BTAF1: variants seen among roughly 807,000 people sequenced by gnomAD.
The protein encoded by BTAF1 is TATA-binding protein-associated factor 172.
BTAF1 carries 38 observed loss-of-function variants against 227.1 expected under a neutral mutation model. The observed-to-expected ratio is 0.17, with a 90% CI of 0.13 to 0.22. The LOEUF (loss-of-function observed/expected upper bound fraction) is 0.22, where lower values mean the gene tolerates loss of function less well. BTAF1 is among the 10% of genes least tolerant of loss of function. The pLI is 1.00. For synonymous variants in BTAF1, 742 were observed against 751.9 expected (o/e 0.99, Z 0.21); for missense variants, 1,598 against 2,204.0 (o/e 0.73, Z 5.51).
Position 91,924,028 on chromosome 10 carries a change from C to T in BTAF1, c.-49C>T. Reference sequence around the variant, plus strand: ...AGCTCTCTGGAAACTAGCGCCTCAGCTGCGCGGCGCGTAGGTCGCGGGGAG... The same window carrying T: ...AGCTCTCTGGAAACTAGCGCCTCAGTTGCGCGGCGCGTAGGTCGCGGGGAG... On this transcript the variant is annotated 5_prime_UTR_variant, in exon 1 of 38. Coordinates refer to ENST00000265990, the MANE Select transcript of BTAF1 (RefSeq NM_003972.3). The T allele has an allele frequency of 6.3e-7, 1 of 1,595,448 alleles. No individual in the cohort carries two copies. The highest frequency in any genetic ancestry group is 8.5e-7 in the Non-Finnish European group (1 of 1,173,462).
At chr10:91,983,166 T>C (rs1385491698) in intron 18 of BTAF1, among the ~76,000 whole-genome samples, 3 of 152,246 alleles carry the variant, frequency 2.0e-5, no homozygotes, top group African/African-American at 7.2e-5. Flanking sequence ...GTGTGGGTAG[T>C]AGCAAAGGCA....
chr10:91,968,710 G>A (rs928251435), intron 14 of BTAF1, among the ~76,000 whole-genome samples: 12 of 152,082 alleles, frequency 7.9e-5, no homozygotes, highest in African/African-American at 2.4e-4. Context: ...TTTTTTGTCA[G>A]TGTTTTGGGT....
At chr10:92,008,758 A>T in intron 26 of BTAF1, 71 bp from the exon 27 acceptor site, 1 of 1,390,982 alleles carries the variant, frequency 7.2e-7, no homozygotes, top group Non-Finnish European at 9.6e-7. Context: ...AACGTTGTTT[A>T]TAAGAAAATG....
At chr10:91,984,538 C>T in intron 19 of BTAF1, 134 bp downstream of exon 19, 1 of 727,884 alleles carries the variant, frequency 1.4e-6, no homozygotes, top group Non-Finnish European at 2.2e-6. Context: ...GTCATCTCTA[C>T]CCTTGAGAAA....
chr10:91,995,691 G>GA (rs964803845), intron 23 of BTAF1, among the ~76,000 whole-genome samples: 25 of 147,640 alleles, frequency 1.7e-4, no homozygotes, highest in African/African-American at 1.2e-4. Context: ...AAAAAAGAAG[G>GA]AAAAAAAAAA....
chr10:92,021,731 A>T (rs1589994073), intron 34 of BTAF1, among the ~76,000 whole-genome samples: 1 of 151,850 alleles, frequency 6.6e-6, no homozygotes, highest in East Asian at 1.9e-4. Flanking sequence ...TTTTTAGTAG[A>T]GACAGGGTTT....
At position 92,013,728 on chromosome 10, in the gene BTAF1, A is replaced by C. The variant is rs757538967; in HGVS notation, c.4373A>C (p.Glu1458Ala). 2.5e-6 allele frequency: 4 copies of C among 1,614,080 alleles called. No individual in the cohort carries two copies. The South Asian group carries it at 3.3e-5, about 13-fold the overall frequency. Residue 1458 changes from glutamate to alanine, a missense_variant, in exon 31 of 38, where the codon GAA becomes GCA. Glu to Ala is a moderately radical substitution (Grantham distance 107, BLOSUM62 -1). Coordinates refer to ENST00000265990, the MANE Select transcript of BTAF1 (RefSeq NM_003972.3). ...DFLMPGFLGT[E>A]RQFAARYGKP... is the part of the protein sequence containing the mutation. ...CTCATGCCAGGATTTTTGGGTACTG[A>C]ACGCCAGTTTGCTGCTCGATATGGT...
chr10:92,027,941 A>G (rs146171399), intron 37 of BTAF1, among the ~76,000 whole-genome samples: 1 of 152,316 alleles, frequency 6.6e-6, no homozygotes, highest in Non-Finnish European at 1.5e-5. Context: ...AGCTGTAATA[A>G]CAGAAGTGTA....
intron 20 of BTAF1, among the ~76,000 whole-genome samples, chr10:91,990,789 G>A (rs987063204): frequency 6.0e-5 from 9 of 150,544 alleles, no homozygotes; most frequent in Admixed American, 1.3e-4. Flanking sequence ...GTGAAACTCC[G>A]TCTCAAAAAA....
intron 1 of BTAF1, among the ~76,000 whole-genome samples, chr10:91,934,655 C>T (rs900221883): frequency 1.2e-4 from 18 of 152,136 alleles, no homozygotes; most frequent in Admixed American, 9.2e-4. Context: ...ATTAAAAGGT[C>T]TCCACGGTAG....
intron 30 of BTAF1, among the ~76,000 whole-genome samples, chr10:92,012,829 G>A (rs1850467104): frequency 6.6e-6 from 1 of 151,036 alleles, no homozygotes; most frequent in African/African-American, 2.4e-5. Context: ...AGCCTCTTTA[G>A]GCTGAATTAT....
chr10:91,999,984 G>C (rs1406638834), intron 25 of BTAF1, among the ~76,000 whole-genome samples: 1 of 152,120 alleles, frequency 6.6e-6, no homozygotes, highest in Non-Finnish European at 1.5e-5. Context: ...AGGAGCATAT[G>C]GGATCTTCTA....
chr10:91,941,790 T>C (rs935973485), intron 3 of BTAF1, among the ~76,000 whole-genome samples: 7 of 152,248 alleles, frequency 4.6e-5, no homozygotes, highest in African/African-American at 1.7e-4. Flanking sequence ...ATTTAACATA[T>C]ACATTTTAAC....
At chr10:91,966,455 A>T (rs1195318232) in intron 13 of BTAF1, among the ~76,000 whole-genome samples, 182 bp from the exon 14 acceptor site, 1 of 152,142 alleles carries the variant, frequency 6.6e-6, no homozygotes, top group Admixed American at 6.5e-5. Context: ...TGCTACGATA[A>T]CAGTTGTGAA....
chr10:91,950,749 A>G (rs935869936), intron 4 of BTAF1, among the ~76,000 whole-genome samples: 7 of 151,628 alleles, frequency 4.6e-5, no homozygotes, highest in African/African-American at 1.7e-4. Context: ...CAAAATCTAG[A>G]TGTTTTTTTA....
rs1474779731 is a variant in BTAF1, at chr10:91,959,785, A to T, written c.991A>T (p.Met331Leu). Residue 331 changes from methionine (M) to leucine (L), a missense_variant and splice_region_variant, in exon 10 of 38, where the codon ATG becomes TTG. Met to Leu is a conservative substitution (Grantham distance 15, BLOSUM62 2). Coordinates refer to ENST00000265990, the MANE Select transcript of BTAF1 (RefSeq NM_003972.3). Reference protein sequence around the residue: ...GKMGDSTLEEMIQQHQEWLED... With the variant: ...GKMGDSTLEELIQQHQEWLED... ...ATATATATATATTATATTTTAACAG[A>T]TGATTCAGCAGCATCAAGAGTGGTT... is the stretch of plus-strand genomic sequence containing the variant. 2.1e-6 allele frequency: 3 copies of T among 1,431,546 alleles called. No individual in the cohort carries two copies. In the Admixed American group the frequency reaches 6.7e-5, roughly 32 times the overall value. The allele number at this position is 1,431,546 out of a possible 1,614,324, so 88.7% of individuals were successfully genotyped here.
At position 92,030,808 on chromosome 10, in the gene BTAF1, A is replaced by AATC. The variant is rs1173925985; in HGVS notation, c.*1876_*1878dup. 6.6e-6 allele frequency among the ~76,000 whole-genome samples: 1 copy of AATC among 152,186 alleles called. No homozygotes were observed. Among genetic ancestry groups the AATC allele is most frequent in the Non-Finnish European group, 1.5e-5 (1 of 68,016 alleles). ...AGAGTGGCTATAACATTTTTAAAAT[A>AATC]ATCTTTTGAGTTGTAAAATAGTAAA... On this transcript the variant is annotated 3_prime_UTR_variant, in exon 38 of 38. Coordinates refer to ENST00000265990, the MANE Select transcript of BTAF1 (RefSeq NM_003972.3).
In BTAF1 at chr10:92,007,250, G is replaced by A. The variant is rs1271420578; in HGVS notation, c.3661-873G>A. 4.4e-5 allele frequency among the ~76,000 whole-genome samples: 5 copies of A among 113,408 alleles called. No individual in the cohort carries two copies. The South Asian group carries it at 1.1e-3, about 25-fold the overall frequency. 74.4% of individuals were successfully genotyped at this position (113,408 alleles called of 152,430 possible). The stretch of plus-strand genomic sequence containing the variant: ...TTTTTTTTTTTTGAGATGGAGTCTC[G>A]CTGTGTCACCCAGGCTGGAGTGCCG... On this transcript the variant is annotated intron_variant, in intron 25 of 37. Coordinates refer to ENST00000265990, the MANE Select transcript of BTAF1 (RefSeq NM_003972.3).
At chr10:91,949,852 T>C (rs773565952) in intron 4 of BTAF1, among the ~76,000 whole-genome samples, 9 of 152,118 alleles carry the variant, frequency 5.9e-5, no homozygotes, top group Non-Finnish European at 1.3e-4. Context: ...ACTGTGGGTT[T>C]TGGCCAGGTG....
Sources: gnomAD v4.1 joint callset for allele counts (sites outside exome capture counted in the v4.1 genomes callset) on GRCh38, gnomAD v4.1.1 for gene constraint, MANE v1.5 for transcripts, NCBI Gene and HGNC (gene_info 2026-07-23, HGNC 2026-07-21) for gene names.